Variants in ENKUR observed in about 807,000 individuals in gnomAD.
ENKUR encodes enkurin.
Under a neutral mutation model 27.6 loss-of-function variants are expected in ENKUR, and 19 were observed. That is an observed-to-expected ratio of 0.69 (90% CI 0.48 to 1.01). ENKUR has a LOEUF of 1.01. Among genes scored for constraint, ENKUR ranks in the 50% least tolerant of loss-of-function variants. The probability of loss-of-function intolerance (pLI) is 0.00; values close to 1 mark genes in which losing one functional copy is unlikely to be tolerated. For missense variants in ENKUR, 312 were observed against 310.5 expected (o/e 1.00, Z -0.04); for synonymous variants, 117 against 96.9 (o/e 1.21, Z -1.22).
chr10:25,023,314 C>A (rs140689466), intron 2 of ENKUR: 3 of 1,613,958 alleles, frequency 1.9e-6, no homozygotes, highest in African/African-American at 2.7e-5. Flanking sequence ...ACATGCACAG[C>A]GATTTCTTTC....
chr10:25,019,682 T>C (rs140045569), upstream of ENKUR, among the ~76,000 whole-genome samples: 760 of 152,336 alleles, frequency 5.0e-3, 5 homozygotes, highest in Non-Finnish European at 9.3e-3. Flanking sequence ...CAGATTTTTC[T>C]CACTCTAAAG....
intron 2 of ENKUR, among the ~76,000 whole-genome samples, chr10:25,036,157 C>T (rs1400786294): frequency 6.6e-6 from 1 of 152,150 alleles, no homozygotes; most frequent in Non-Finnish European, 1.5e-5. Context: ...TGAATTTTAG[C>T]TCACATAGTT....
intron 2 of ENKUR, among the ~76,000 whole-genome samples, chr10:25,060,000 A>G (rs1038638825): frequency 1.3e-5 from 2 of 152,098 alleles, no homozygotes. Flanking sequence ...ATAATGAGTG[A>G]TAATCCCTGT....
At chr10:24,995,160 T>C (rs1850018382) in intron 3 of ENKUR, among the ~76,000 whole-genome samples, 2 of 151,810 alleles carry the variant, frequency 1.3e-5, no homozygotes, top group African/African-American at 4.9e-5. Flanking sequence ...AATAAATATA[T>C]TCATGTTAAA....
In ENKUR at chr10:24,995,666, G is replaced by T; in HGVS notation, c.427C>A (p.Pro143Thr). ...KHDLEPSGLV[P>T]KYINKKDYGV... ...GCTACCTTTTTATTGATGTACTTTG[G>T]AACTAGTCCTGAAGGCTCAAGATCA... Residue 143 changes from proline (P) to threonine (T), a missense_variant, in exon 3 of 6, where the codon CCA becomes ACA. Pro to Thr is a conservative substitution (Grantham distance 38, BLOSUM62 -1). Coordinates refer to ENST00000331161, the MANE Select transcript of ENKUR (RefSeq NM_145010.4). 2 of 1,612,438 alleles carry T rather than the reference G, an allele frequency of 1.2e-6. No individual in the cohort carries two copies. Among genetic ancestry groups the T allele is most frequent in the Admixed American group, 1.7e-5 (1 of 59,862 alleles).
chr10:25,005,907 T>C (rs184065359), intron 1 of ENKUR, among the ~76,000 whole-genome samples: 35 of 152,368 alleles, frequency 2.3e-4, no homozygotes, highest in Non-Finnish European at 1.3e-4. Context: ...TGTATTCATC[T>C]ACATCTGTGC....
At chr10:25,055,347 C>A (rs1851241805) in intron 2 of ENKUR, among the ~76,000 whole-genome samples, 1 of 151,722 alleles carries the variant, frequency 6.6e-6, no homozygotes, top group South Asian at 2.1e-4. Flanking sequence ...AAAAAAAGGT[C>A]CTAGTTTTCA....
At chr10:25,010,792 G>C (rs1210164994) in intron 1 of ENKUR, among the ~76,000 whole-genome samples, 1 of 146,436 alleles carries the variant, frequency 6.8e-6, no homozygotes. Flanking sequence ...TTTTATGGCT[G>C]CATAGTATTC....
upstream of ENKUR, among the ~76,000 whole-genome samples, chr10:25,020,268 CTATATCTA>C (rs1320152762): frequency 1.4e-4 from 19 of 137,358 alleles, no homozygotes; most frequent in African/African-American, 4.7e-4. Context: ...ATATCTATAT[CTATATCTA>C]TATATATCTA....
chr10:25,020,229 T>G (rs1365695127), upstream of ENKUR, among the ~76,000 whole-genome samples: 1 of 149,940 alleles, frequency 6.7e-6, no homozygotes, highest in Non-Finnish European at 1.5e-5. Context: ...TGTCATAATT[T>G]TCTTTAAAAT....
chr10:24,996,008 A>G, intron 2 of ENKUR, 139 bp from the exon 3 acceptor site: 2 of 662,884 alleles, frequency 3.0e-6, no homozygotes, highest in Non-Finnish European at 4.7e-6. Flanking sequence ...ATAGAAGTTT[A>G]TGCTTACCCC....
At chr10:25,053,962 C>A (rs1330819883) in intron 2 of ENKUR, among the ~76,000 whole-genome samples, 1 of 152,228 alleles carries the variant, frequency 6.6e-6, no homozygotes, top group Non-Finnish European at 1.5e-5. Flanking sequence ...CACCAGTGGT[C>A]ATCTCCTGAC....
At chr10:25,010,227 A>G (rs1035168609) in intron 1 of ENKUR, among the ~76,000 whole-genome samples, 1 of 152,186 alleles carries the variant, frequency 6.6e-6, no homozygotes, top group Non-Finnish European at 1.5e-5. Flanking sequence ...GAGAACTGGA[A>G]TAAAGGTGAC....
At chr10:24,984,462 T>A in intron 5 of ENKUR, 86 bp from the exon 6 acceptor site, 1 of 1,388,168 alleles carries the variant, frequency 7.2e-7, no homozygotes, top group Non-Finnish European at 9.8e-7. Flanking sequence ...GTGAAACAAG[T>A]ACATAATAAT....
chr10:24,994,673 G>A (rs1048120538), intron 3 of ENKUR, among the ~76,000 whole-genome samples: 1 of 152,088 alleles, frequency 6.6e-6, no homozygotes, highest in Non-Finnish European at 1.5e-5. Flanking sequence ...AGCTTTATAA[G>A]TGCGCAAAAT....
chr10:25,019,200 C>T (rs963906625), upstream of ENKUR, among the ~76,000 whole-genome samples: 8 of 152,174 alleles, frequency 5.3e-5, no homozygotes, highest in African/African-American at 1.9e-4. Context: ...TAGTTGGGCA[C>T]AGTGGCTCAT....
At chr10:25,038,024 T>C (rs1243869179) in intron 2 of ENKUR, among the ~76,000 whole-genome samples, 1 of 152,238 alleles carries the variant, frequency 6.6e-6, no homozygotes, top group Non-Finnish European at 1.5e-5. Context: ...AATTTTAAGC[T>C]TATTGGGCAG....
intron 3 of ENKUR, among the ~76,000 whole-genome samples, chr10:24,994,526 G>T (rs1161975146): frequency 1.3e-5 from 2 of 151,626 alleles, no homozygotes; most frequent in African/African-American, 4.8e-5. Context: ...TAGAGATGGG[G>T]TGTCACCATG....
chr10:25,027,287 C>T (rs1366697051), intron 2 of ENKUR, among the ~76,000 whole-genome samples: 27 of 130,584 alleles, frequency 2.1e-4, no homozygotes, highest in African/African-American at 6.5e-4. Flanking sequence ...ACCCGGGAGG[C>T]GGAGTTTGCA....
Sources: allele counts gnomAD v4.1 joint callset (sites outside exome capture counted in the v4.1 genomes callset), GRCh38; gene constraint gnomAD v4.1.1; transcripts MANE v1.5; gene names NCBI Gene and HGNC (gene_info 2026-07-23, HGNC 2026-07-21).